The following ICA1 variants were observed in gnomAD, a reference collection of about 807,000 sequenced individuals.
The protein encoded by ICA1 is 69 kDa islet cell autoantigen.
A neutral mutation model predicts 71.0 loss-of-function variants in ICA1; 40 were observed. The ratio of observed to expected loss-of-function variants is 0.56; its 90% CI spans 0.44 to 0.73. The LOEUF is 0.73. Among genes scored for constraint, ICA1 ranks in the 30% least tolerant of loss-of-function variants. ICA1 has a pLI of 0.00. For missense variants in ICA1, 578 were observed against 576.5 expected (o/e 1.00, Z -0.03); for synonymous variants, 207 against 209.5 (o/e 0.99, Z 0.10).
intron 4 of ICA1, 130 bp downstream of exon 4, chr7:8,228,471 C>T: frequency 6.1e-6 from 3 of 494,992 alleles, no homozygotes; most frequent in Non-Finnish European, 1.1e-5. Context: ...TTATTAGAGA[C>T]TCTCCTCCCA....
chr7:8,119,107 G>C lies in ICA1; in HGVS notation c.1331-5063C>G, dbSNP rs1046631007. Among the ~76,000 whole-genome samples, 15 of 152,278 alleles carry C rather than the reference G, an allele frequency of 9.9e-5. No individual in the cohort carries two copies. In the East Asian group the frequency reaches 2.7e-3, roughly 27 times the overall value. On this transcript the variant is annotated intron_variant, in intron 13 of 13. Coordinates refer to ENST00000402384, the MANE Select transcript of ICA1 (RefSeq NM_001136020.3). ...GTGAGGACGAGAGAGGTTCTCCTAA[G>C]AATCAGAGGGGCCCACTTCAGGACC...
chr7:8,253,444 A>T (rs761949905), intron 1 of ICA1, among the ~76,000 whole-genome samples: 10 of 152,216 alleles, frequency 6.6e-5, no homozygotes, highest in Non-Finnish European at 1.5e-5. Flanking sequence ...GGACAATGTG[A>T]TGTAATATAT....
chr7:8,153,861 A>ATATATAT (rs1554295054), intron 8 of ICA1, among the ~76,000 whole-genome samples: 1 of 148,434 alleles, frequency 6.7e-6, no homozygotes, highest in African/African-American at 2.5e-5. Context: ...ATATATATGT[A>ATATATAT]GTAACATTTC....
At chr7:8,205,590 A>T (rs943565442) in intron 6 of ICA1, among the ~76,000 whole-genome samples, 2 of 152,246 alleles carry the variant, frequency 1.3e-5, no homozygotes, top group Non-Finnish European at 2.9e-5. Context: ...AGCTAGTAAT[A>T]AACAAATATT....
At chr7:8,183,556 C>A (rs1300621844) in intron 6 of ICA1, among the ~76,000 whole-genome samples, 1 of 152,194 alleles carries the variant, frequency 6.6e-6, no homozygotes, top group African/African-American at 2.4e-5. Flanking sequence ...GGTATCCAAT[C>A]TGGGGCTAGA....
intron 13 of ICA1, among the ~76,000 whole-genome samples, chr7:8,121,191 G>C (rs1428995893): frequency 6.6e-6 from 1 of 152,160 alleles, no homozygotes; most frequent in Non-Finnish European, 1.5e-5. Context: ...TAACCCCTGA[G>C]GACATCATCT....
At position 8,235,903 on chromosome 7, in the gene ICA1, T is replaced by G. The variant is rs1801701825; in HGVS notation, c.17+7A>C. On this transcript the variant is annotated splice_region_variant and intron_variant, in intron 2 of 13. Coordinates refer to ENST00000402384, the MANE Select transcript of ICA1 (RefSeq NM_001136020.3). ...TCCCAATTCAGAAAAGATGACAAAT[T>G]ACTTACCATTTGTGTCCTGACATGT... The G allele has an allele frequency of 6.2e-7, 1 of 1,612,756 alleles. No individual in the cohort carries two copies. The highest frequency in any genetic ancestry group is 8.5e-7 in the Non-Finnish European group (1 of 1,179,198).
rs1287296820 is a variant in ICA1 at position 8,173,030 on chromosome 7, GCTTTGCTTT to G, written c.580-14387_580-14379del. On this transcript the variant is annotated intron_variant, in intron 6 of 13. Coordinates refer to ENST00000402384, the MANE Select transcript of ICA1 (RefSeq NM_001136020.3). The surrounding 1 kb of genome is among the most constrained non-coding windows in gnomAD (Gnocchi z 4.0). The stretch of plus-strand genomic sequence containing the variant: ...GTGAAAGTAAAATAGGGGCTTAGTT[GCTTTGCTTT>G]CTTTGCTTTCCCTATTAAGATTTAA... 3.3e-5 allele frequency among the ~76,000 whole-genome samples: 5 copies of G among 152,154 alleles called. No homozygotes were observed. The highest frequency in any genetic ancestry group is 3.3e-4 in the Admixed American group (5 of 15,276).
intron 10 of ICA1, among the ~76,000 whole-genome samples, chr7:8,140,548 G>T (rs1794859907): frequency 6.6e-6 from 1 of 152,190 alleles, no homozygotes; most frequent in Admixed American, 6.5e-5. Flanking sequence ...GATTACTTTG[G>T]TAATGATTAG....
At chr7:8,179,252 A>T (rs1781479750) in intron 6 of ICA1, among the ~76,000 whole-genome samples, 1 of 152,168 alleles carries the variant, frequency 6.6e-6, no homozygotes, top group Admixed American at 6.6e-5. Flanking sequence ...TAAGTCATAG[A>T]CTTGTGGGTG....
At chr7:8,249,190 A>T (rs1034745512) in intron 1 of ICA1, among the ~76,000 whole-genome samples, 15 of 152,264 alleles carry the variant, frequency 9.9e-5, no homozygotes, top group African/African-American at 3.4e-4. Flanking sequence ...AGGGGCACAG[A>T]ACAGAGGCAC....
chr7:8,133,846 CTTT>C (rs57086182), intron 12 of ICA1, among the ~76,000 whole-genome samples: 3 of 118,872 alleles, frequency 2.5e-5, no homozygotes, highest in Admixed American at 8.8e-5. Context: ...AAAAATCATA[CTTT>C]TTTTTTTTTT....
At chr7:8,231,978 C>T (rs1800413185) in intron 3 of ICA1, among the ~76,000 whole-genome samples, 1 of 152,178 alleles carries the variant, frequency 6.6e-6, no homozygotes, top group African/African-American at 2.4e-5. Flanking sequence ...TTATTCCTCT[C>T]AGTGCCCTGT....
chr7:8,126,065 C>A (rs982164617), intron 13 of ICA1, among the ~76,000 whole-genome samples: 1 of 152,158 alleles, frequency 6.6e-6, no homozygotes, highest in African/African-American at 2.4e-5. Flanking sequence ...AGGAAGTGGG[C>A]GAGGAGCTCT....
At chr7:8,209,171 A>T (rs1792722791) in intron 6 of ICA1, among the ~76,000 whole-genome samples, 1 of 152,198 alleles carries the variant, frequency 6.6e-6, no homozygotes, top group Admixed American at 6.5e-5. Context: ...CCACTCTGAA[A>T]CTCGAGAGTT....
In ICA1 at chr7:8,113,795, T is replaced by G. The variant is rs1298548260; in HGVS notation, c.*128A>C. 1 of 995,144 alleles carries G rather than the reference T, an allele frequency of 1.0e-6. No individual in the cohort carries two copies. Among genetic ancestry groups the G allele is most frequent in the African/African-American group, 1.6e-5 (1 of 62,570 alleles). The allele number at this position is 995,144 out of a possible 1,614,324, so 61.6% of individuals were successfully genotyped here. On this transcript the variant is annotated 3_prime_UTR_variant, in exon 14 of 14. Transcript: ENST00000402384. This position sits in a 1 kb window ranked among gnomAD's most constrained non-coding sequence, Gnocchi z 4.2. ...AATTATACCAATATAAACAGGGCCG[T>G]TGACCCTTTCATTTTATTAAAATGG... is the stretch of plus-strand genomic sequence containing the variant.
intron 5 of ICA1, among the ~76,000 whole-genome samples, chr7:8,219,726 T>C (rs1334423064): frequency 6.6e-6 from 1 of 152,242 alleles, no homozygotes; most frequent in African/African-American, 2.4e-5. Context: ...GCTGTTGCAA[T>C]GACTACCAAA....
chr7:8,184,655 C>G (rs1783319254), intron 6 of ICA1, among the ~76,000 whole-genome samples: 1 of 152,004 alleles, frequency 6.6e-6, no homozygotes, highest in Admixed American at 6.5e-5. Flanking sequence ...ACCTAATGAA[C>G]TATTGTGGAT....
chr7:8,133,480 C>T (rs779791283), intron 12 of ICA1, among the ~76,000 whole-genome samples: 3 of 152,148 alleles, frequency 2.0e-5, no homozygotes, highest in Non-Finnish European at 2.9e-5. Flanking sequence ...CCCTCTTGGT[C>T]TCAAGTGATC....
Sources: allele counts gnomAD v4.1 joint callset (sites outside exome capture counted in the v4.1 genomes callset), GRCh38; gene constraint gnomAD v4.1.1; non-coding constraint Gnocchi (gnomAD v3.1); transcripts MANE v1.5; gene names NCBI Gene and HGNC (gene_info 2026-07-23, HGNC 2026-07-21).